ECPAS: variants seen among roughly 807,000 people sequenced by gnomAD.
ECPAS encodes proteasome adapter and scaffold protein ECM29.
ECPAS carries 70 observed loss-of-function variants against 255.1 expected under a neutral mutation model. That is an observed-to-expected ratio of 0.27 (90% CI 0.23 to 0.33). The LOEUF (loss-of-function observed/expected upper bound fraction) is 0.33. ECPAS is among the 10% of genes least tolerant of loss of function. The pLI is 1.00. For missense variants in ECPAS, 1,817 were observed against 2,206.4 expected (o/e 0.82, Z 3.54); for synonymous variants, 784 against 775.0 (o/e 1.01, Z -0.19).
intron 35 of ECPAS, among the ~76,000 whole-genome samples, chr9:111,380,553 T>G (rs1205570490): frequency 6.6e-6 from 1 of 152,206 alleles, no homozygotes; most frequent in Non-Finnish European, 1.5e-5. Flanking sequence ...AGTCACCAGC[T>G]GCATTGGCCC....
chr9:111,370,730 T>C lies in ECPAS; in HGVS notation c.4773A>G (p.Thr1591=). 6.2e-7 allele frequency: 1 copy of C among 1,608,036 alleles called. No individual in the cohort carries two copies. The change falls in exon 44 of 50, where the codon ACA becomes ACG. Residue 1591 remains threonine, a synonymous_variant. Coordinates refer to ENST00000684092, the MANE Select transcript of ECPAS (RefSeq NM_001364929.1). ...ELLKAIACVV[T]ACSAELEKSV... Reference sequence around the variant, plus strand: ...ATTGAAAGAACATTTACCTGCAAGCTGTCACCACACAGGCAATGGCTTTCA... The same window carrying C: ...ATTGAAAGAACATTTACCTGCAAGCCGTCACCACACAGGCAATGGCTTTCA...
chr9:111,386,174 C>T (rs1236678447), intron 32 of ECPAS, among the ~76,000 whole-genome samples: 1 of 152,146 alleles, frequency 6.6e-6, no homozygotes, highest in African/African-American at 2.4e-5. Context: ...ATGTTGCCCA[C>T]GCTGGTCTTG....
chr9:111,392,663 T>G (rs2098161964), intron 28 of ECPAS, 105 bp downstream of exon 28: 1 of 749,728 alleles, frequency 1.3e-6, no homozygotes, highest in African/African-American at 1.8e-5. Context: ...AAAGGCTTCA[T>G]AAACCAAAAC....
intron 45 of ECPAS, 59 bp from the exon 46 acceptor site, chr9:111,369,232 C>T: frequency 7.7e-7 from 1 of 1,301,340 alleles, no homozygotes; most frequent in African/African-American, 1.5e-5. Context: ...TACAGGTATA[C>T]TATTAAAGCT....
In ECPAS at chr9:111,484,381, C is replaced by T; in HGVS notation, c.-348G>A. The T allele has an allele frequency of 6.2e-7, 1 of 1,611,764 alleles. No homozygotes were observed. Among genetic ancestry groups the T allele is most frequent in the Admixed American group, 1.7e-5 (1 of 59,886 alleles). Reference sequence around the variant, plus strand: ...GCCTGTCCAAAGGAAGAGACGTGGACTCAGAAAAGTAGAGCCGGGCTCGGA... The same window carrying T: ...GCCTGTCCAAAGGAAGAGACGTGGATTCAGAAAAGTAGAGCCGGGCTCGGA... On this transcript the variant is annotated 5_prime_UTR_variant, in exon 1 of 50. Coordinates refer to ENST00000684092, the MANE Select transcript of ECPAS (RefSeq NM_001364929.1).
At chr9:111,451,632 C>CT in intron 2 of ECPAS, 77 bp from the exon 3 acceptor site, 2 of 1,369,526 alleles carry the variant, frequency 1.5e-6, no homozygotes, top group Non-Finnish European at 1.9e-6. Context: ...ATAGCTTATT[C>CT]TTTTTTTCTG....
chr9:111,481,244 C>T (rs1397410852), intron 1 of ECPAS, among the ~76,000 whole-genome samples: 1 of 152,208 alleles, frequency 6.6e-6, no homozygotes, highest in Non-Finnish European at 1.5e-5. Flanking sequence ...CGCCTGTAAT[C>T]CCAGCACTTT....
intron 24 of ECPAS, among the ~76,000 whole-genome samples, chr9:111,404,990 C>T (rs953382559): frequency 2.7e-5 from 4 of 149,340 alleles, no homozygotes; most frequent in African/African-American, 5.1e-5. Flanking sequence ...CTACCAAAAA[C>T]GATCTACAGA....
Position 111,414,616 on chromosome 9 carries a change from A to G in ECPAS, c.1800T>C (p.Ser600=), listed in dbSNP as rs773434218. 2.5e-6 allele frequency: 4 copies of G among 1,613,814 alleles called. No individual in the cohort carries two copies. Among genetic ancestry groups the G allele is most frequent in the East Asian group, 4.5e-5 (2 of 44,882 alleles). The change falls in exon 19 of 50, where the codon AGT becomes AGC. Residue 600 remains serine (S), a synonymous_variant. Transcript: ENST00000684092. Reference sequence around the variant, plus strand: ...TCTGAGAGGTGGGCACCACCCCCGCACTGTGCGCAAGGCACATGCGCAAGT... The same window carrying G: ...TCTGAGAGGTGGGCACCACCCCCGCGCTGTGCGCAAGGCACATGCGCAAGT... ...VLYLRMCLAH[S]AGVVPTSQSL...
chr9:111,392,771 T>C lies in ECPAS; in HGVS notation c.3089A>G (p.Lys1030Arg). The C allele has an allele frequency of 6.2e-7, 1 of 1,607,992 alleles. No homozygotes were observed. Among genetic ancestry groups the C allele is most frequent in the Non-Finnish European group, 8.5e-7 (1 of 1,175,634 alleles). Reference sequence around the variant, plus strand: ...AAAATTTTCAAGTTCACCATACCTTTTGCCAGTCATAAGTGTTTCCACAAG... The same window carrying C: ...AAAATTTTCAAGTTCACCATACCTTCTGCCAGTCATAAGTGTTTCCACAAG... ...STLVETLMTG[K>R]RVKHEVSGET... is the part of the protein sequence containing the mutation. Residue 1030 changes from lysine to arginine, a missense_variant, in exon 28 of 50, where the codon AAA becomes AGA. Lys to Arg is a conservative substitution (Grantham distance 26, BLOSUM62 2). Transcript: ENST00000684092.
rs563625050 is a variant in ECPAS, at chr9:111,417,653, G to A, written c.1683+230C>T. ...TCCCAGCTATTCAGGAGCTGGGGCA[G>A]GAGAATCACTTGAACCCAGGTAGTG... On this transcript the variant is annotated intron_variant, in intron 17 of 49. Coordinates refer to ENST00000684092, the MANE Select transcript of ECPAS (RefSeq NM_001364929.1). 3.3e-5 allele frequency among the ~76,000 whole-genome samples: 5 copies of A among 152,118 alleles called. No homozygotes were observed. In the South Asian group the frequency reaches 1.0e-3, roughly 32 times the overall value.
chr9:111,386,838 G>C (rs2098149406), intron 31 of ECPAS, among the ~76,000 whole-genome samples: 1 of 152,184 alleles, frequency 6.6e-6, no homozygotes, highest in Non-Finnish European at 1.5e-5. Flanking sequence ...CTACTTGCTT[G>C]GCTAACTCCT....
At chr9:111,446,474 A>G (rs1304565068) in intron 3 of ECPAS, among the ~76,000 whole-genome samples, 1 of 152,228 alleles carries the variant, frequency 6.6e-6, no homozygotes, top group Non-Finnish European at 1.5e-5. Context: ...AAGCATGCAT[A>G]AAGAAAGCTG....
At position 111,415,694 on chromosome 9, in the gene ECPAS, C is replaced by G. The variant is rs901031320; in HGVS notation, c.1764+578G>C. ...CTCCAGCACGGGCAACAGAGTGAGA[C>G]TCCTTCTCAAAAAAAAAAAAAACCA... On this transcript the variant is annotated intron_variant, in intron 18 of 49. Coordinates refer to ENST00000684092, the MANE Select transcript of ECPAS (RefSeq NM_001364929.1). Among the ~76,000 whole-genome samples, 3 of 146,604 alleles carry G rather than the reference C, an allele frequency of 2.0e-5. No individual in the cohort carries two copies. The Admixed American group carries it at 2.1e-4, about 10-fold the overall frequency.
chr9:111,371,498 C>CT, intron 43 of ECPAS, 123 bp downstream of exon 43: 1 of 933,438 alleles, frequency 1.1e-6, no homozygotes. Context: ...CTTCCACTGT[C>CT]TAGGAAATCT....
intron 2 of ECPAS, among the ~76,000 whole-genome samples, chr9:111,459,051 T>A (rs921699100): frequency 2.0e-5 from 3 of 152,162 alleles, no homozygotes; most frequent in African/African-American, 7.2e-5. Flanking sequence ...AACTTGTAGG[T>A]GGCATATGAA....
intron 6 of ECPAS, 89 bp from the exon 7 acceptor site, chr9:111,437,197 C>T (rs1045001421): frequency 1.9e-5 from 19 of 1,022,196 alleles, no homozygotes; most frequent in Non-Finnish European, 2.1e-5. Flanking sequence ...ATATACTGTC[C>T]TCCTACTGTA....
At position 111,371,530 on chromosome 9, in the gene ECPAS, G is replaced by A. The variant is rs2098127273; in HGVS notation, c.4737+91C>T. The A allele has an allele frequency of 6.7e-6, 8 of 1,185,300 alleles. No individual in the cohort carries two copies. In the East Asian group the frequency reaches 1.9e-4, roughly 28 times the overall value. 73.4% of individuals were successfully genotyped at this position (1,185,300 alleles called of 1,614,324 possible). A position where few individuals can be genotyped will look rare whatever the true frequency, so the allele number is the denominator to read the frequency against. On this transcript the variant is annotated intron_variant, in intron 43 of 49. Transcript: ENST00000684092. ...ATCTAGTTCACAAAAATAATCCATTGGAAAAGTTACACAAAACCAGATCGT... is the reference window on the plus strand; with the variant it reads ...ATCTAGTTCACAAAAATAATCCATTAGAAAAGTTACACAAAACCAGATCGT...
chr9:111,367,798 C>T (rs2098122262), intron 46 of ECPAS, among the ~76,000 whole-genome samples: 1 of 152,110 alleles, frequency 6.6e-6, no homozygotes, highest in Non-Finnish European at 1.5e-5. Context: ...AATCCCAGCA[C>T]TTTGAGAGGG....
Sources: allele counts gnomAD v4.1 joint callset (sites outside exome capture counted in the v4.1 genomes callset), GRCh38; gene constraint gnomAD v4.1.1; transcripts MANE v1.5; gene names NCBI Gene and HGNC (gene_info 2026-07-23, HGNC 2026-07-21).